TRIM43: variants seen among roughly 807,000 people sequenced by gnomAD.
TRIM43 encodes the protein tripartite motif-containing protein 43.
In TRIM43, 12 loss-of-function variants were observed where a neutral mutation model predicts 27.7. The ratio of observed to expected loss-of-function variants is 0.43; its 90% CI spans 0.28 to 0.70. The LOEUF is 0.70. Among genes scored for constraint, TRIM43 ranks in the 30% least tolerant of loss-of-function variants. The pLI is 0.17. For missense variants in TRIM43, 186 were observed against 356.5 expected, an observed-to-expected ratio of 0.52 and a Z score of 3.85; for synonymous variants, 64 against 121.9, an observed-to-expected ratio of 0.52 and a Z score of 3.13.
intron 3 of TRIM43, 121 bp from the exon 4 acceptor site, chr2:95,596,081 A>G: frequency 1.0e-6 from 1 of 985,128 alleles, no homozygotes. Context: ...GTCTTGCTTA[A>G]CTCATCATCC....
intron 1 of TRIM43, 52 bp from the exon 2 acceptor site, chr2:95,593,968 T>A (rs1344781033): frequency 1.3e-6 from 2 of 1,546,226 alleles, no homozygotes; most frequent in East Asian, 4.5e-5. Flanking sequence ...TTTGCTTGGA[T>A]CTTTGTCTCT....
rs545705079 is a variant in TRIM43, at chr2:95,592,114, G to C, written c.-40G>C. 1 of 151,658 alleles carries C rather than the reference G, an allele frequency of 6.6e-6. No homozygotes were observed. Among genetic ancestry groups the C allele is most frequent in the Non-Finnish European group, 1.5e-5 (1 of 67,948 alleles). The allele number at this position is 151,658 out of a possible 1,614,324, so 9.4% of individuals were successfully genotyped here. On this transcript the variant is annotated 5_prime_UTR_variant, in exon 1 of 7. Coordinates refer to ENST00000272395, the MANE Select transcript of TRIM43 (RefSeq NM_138800.3). ...CTGAGCTGAATTCATCTGATTCGAC[G>C]GCAAGCTTTGGTGAGAACATAGATA...
At position 95,592,111 on chromosome 2, in the gene TRIM43, G is replaced by C. The variant is rs576610796; in HGVS notation, c.-43G>C. On this transcript the variant is annotated 5_prime_UTR_variant, in exon 1 of 7. Coordinates refer to ENST00000272395, the MANE Select transcript of TRIM43 (RefSeq NM_138800.3). Reference sequence around the variant, plus strand: ...TCCCTGAGCTGAATTCATCTGATTCGACGGCAAGCTTTGGTGAGAACATAG... The same window carrying C: ...TCCCTGAGCTGAATTCATCTGATTCCACGGCAAGCTTTGGTGAGAACATAG... The C allele has an allele frequency of 6.6e-6, 1 of 151,818 alleles. No individual in the cohort carries two copies. Among genetic ancestry groups the C allele is most frequent in the Non-Finnish European group, 1.5e-5 (1 of 67,966 alleles). The allele number at this position is 151,818 out of a possible 1,614,324, so 9.4% of individuals were successfully genotyped here.
At chr2:95,595,563 T>C (rs544888877) in intron 3 of TRIM43, among the ~76,000 whole-genome samples, 12 of 150,708 alleles carry the variant, frequency 8.0e-5, no homozygotes, top group African/African-American at 2.7e-4. Context: ...AGGACCCACA[T>C]GATGCCAGTC....
At chr2:95,592,216 CTTTAA>C (rs1685259651) in intron 1 of TRIM43, 67 bp downstream of exon 1, 1 of 151,730 alleles carries the variant, frequency 6.6e-6, no homozygotes, top group Admixed American at 6.6e-5. Context: ...AATTTGGGGA[CTTTAA>C]TTTATCTGCA....
chr2:95,593,151 C>T (rs1286082993), intron 1 of TRIM43, among the ~76,000 whole-genome samples: 1 of 151,608 alleles, frequency 6.6e-6, no homozygotes, highest in East Asian at 1.9e-4. Context: ...CCTGCCTCAG[C>T]CACCTCGGCC....
In TRIM43 at chr2:95,595,222, T is replaced by C. The variant is rs1218671962; in HGVS notation, c.507+77T>C. 3.0e-6 allele frequency: 3 copies of C among 1,015,864 alleles called. 1 individual carries two copies. In the African/African-American group the frequency reaches 5.0e-5, roughly 17 times the overall value. The allele number at this position is 1,015,864 out of a possible 1,614,324, so 62.9% of individuals were successfully genotyped here. A position where few individuals can be genotyped will look rare whatever the true frequency, so the allele number is the denominator to read the frequency against. ...CAACATTTATATTAGCAACTTGAGT[T>C]GAAATTCTTATGCCAGATTTTGTCA... On this transcript the variant is annotated intron_variant, in intron 3 of 6. Transcript: ENST00000272395.
In TRIM43 at chr2:95,599,724, CTT is replaced by C. The variant is rs1685373135; in HGVS notation, c.*155_*156del. On this transcript the variant is annotated 3_prime_UTR_variant, in exon 7 of 7. Coordinates refer to ENST00000272395, the MANE Select transcript of TRIM43 (RefSeq NM_138800.3). ...AATAAAAAATTTGTAAAAGGCAAAA[CTT>C]TTTGTACATTTTCTTACAATTAAAA... 7.4e-7 allele frequency: 1 copy of C among 1,355,670 alleles called. No homozygotes were observed. Among genetic ancestry groups the C allele is most frequent in the Admixed American group, 2.9e-5 (1 of 34,742 alleles). 84.0% of individuals were successfully genotyped at this position (1,355,670 alleles called of 1,614,324 possible). A position where few individuals can be genotyped will look rare whatever the true frequency, so the allele number is the denominator to read the frequency against.
rs557122794 is a variant in TRIM43 at position 95,595,303 on chromosome 2, G to A, written c.507+158G>A. On this transcript the variant is annotated intron_variant, in intron 3 of 6. Transcript: ENST00000272395. ...GACTGTTCAACATAACGATTGTTCA[G>A]GTTTTCTGTAAATGCTTTTCAGATA... Among the ~76,000 whole-genome samples the A allele has an allele frequency of 3.2e-3, 484 of 151,548 alleles. 6 individuals carry two copies. The highest frequency in any genetic ancestry group is 4.5e-3 in the Non-Finnish European group (308 of 67,900).
rs530742714 is a variant in TRIM43, at chr2:95,595,935, T to C, written c.508-267T>C. On this transcript the variant is annotated intron_variant, in intron 3 of 6. Transcript: ENST00000272395. Reference sequence around the variant, plus strand: ...AAGTGAATAACAAAGATTATGTGTATTATCCATGACAATGTAACAATCATA... The same window carrying C: ...AAGTGAATAACAAAGATTATGTGTACTATCCATGACAATGTAACAATCATA... 7.2e-5 allele frequency among the ~76,000 whole-genome samples: 11 copies of C among 151,740 alleles called. No individual in the cohort carries two copies. In the East Asian group the frequency reaches 1.9e-3, roughly 27 times the overall value.
rs1395774427 is a variant in TRIM43 at position 95,596,211 on chromosome 2, G to A, written c.517G>A (p.Val173Ile). 6.2e-7 allele frequency: 1 copy of A among 1,610,276 alleles called. No individual in the cohort carries two copies. The highest frequency in any genetic ancestry group is 1.1e-5 in the South Asian group (1 of 90,806). ...ATTCATATCCCTACAGGGCAATGTG[G>A]TTTTACGGGCACAGATGATCAGGAA... is the stretch of plus-strand genomic sequence containing the variant. ...RTAFLWRGNV[V>I]LRAQMIRNEY... Residue 173 changes from valine to isoleucine, a missense_variant, in exon 4 of 7, where the codon GTT becomes ATT. Physicochemically the swap from Val to Ile is conservative, Grantham distance 29 (BLOSUM62 3). Around this residue, in one of 6 missense-constraint regions of TRIM43, gnomAD observed 91 missense variants for 119.3 expected, o/e 0.76. Coordinates refer to ENST00000272395, the MANE Select transcript of TRIM43 (RefSeq NM_138800.3).
intron 2 of TRIM43, 58 bp downstream of exon 2, chr2:95,594,492 A>T: frequency 6.3e-7 from 1 of 1,590,770 alleles, no homozygotes; most frequent in Non-Finnish European, 8.5e-7. Flanking sequence ...TAAAGATATT[A>T]GAAGGATGAT....
chr2:95,595,377 A>G (rs1685338105), intron 3 of TRIM43, among the ~76,000 whole-genome samples: 1 of 151,758 alleles, frequency 6.6e-6, no homozygotes, highest in Non-Finnish European at 1.5e-5. Flanking sequence ...GCTTAAAATT[A>G]ATAAGTATTT....
At chr2:95,592,757 A>G (rs1341982332) in intron 1 of TRIM43, among the ~76,000 whole-genome samples, 2 of 151,606 alleles carry the variant, frequency 1.3e-5, no homozygotes, top group East Asian at 3.9e-4. Context: ...TCCTGAGCTC[A>G]AAAAACCTGC....
intron 2 of TRIM43, among the ~76,000 whole-genome samples, 191 bp from the exon 3 acceptor site, chr2:95,594,859 T>C (rs1042971915): frequency 2.0e-5 from 3 of 151,716 alleles, no homozygotes; most frequent in African/African-American, 7.3e-5. Context: ...CACTCTTCAG[T>C]TCCCTAAGCT....
intron 1 of TRIM43, among the ~76,000 whole-genome samples, chr2:95,592,661 G>A (rs1685275942): frequency 6.6e-6 from 1 of 151,008 alleles, no homozygotes; most frequent in African/African-American, 2.4e-5. Flanking sequence ...CTGAGCCACC[G>A]CGCCCGGCCT....
chr2:95,593,472 C>T (rs1437260280), intron 1 of TRIM43, among the ~76,000 whole-genome samples: 2 of 151,788 alleles, frequency 1.3e-5, no homozygotes, highest in Admixed American at 6.6e-5. Flanking sequence ...CTTGATTTGA[C>T]TGTTTTTCCT....
chr2:95,594,363 C>G lies in TRIM43; in HGVS notation c.340C>G (p.Leu114Val). 6.2e-7 allele frequency: 1 copy of G among 1,610,802 alleles called. No individual in the cohort carries two copies. Among genetic ancestry groups the G allele is most frequent in the South Asian group, 1.1e-5 (1 of 90,900 alleles). Residue 114 changes from leucine to valine, a missense_variant, in exon 2 of 7, where the codon CTG (leucine) becomes GTG (valine). Leu to Val is a conservative substitution (Grantham distance 32). Transcript: ENST00000272395. ...CATGGACAAGAGTCTCCTCTGCTTGCTGTGCTCCAACTCTCAGGAGCACGG... is the reference window on the plus strand; with the variant it reads ...CATGGACAAGAGTCTCCTCTGCTTGGTGTGCTCCAACTCTCAGGAGCACGG... The part of the protein sequence containing the change: ...CDMDKSLLCL[L>V]CSNSQEHGAH...
intron 4 of TRIM43, 103 bp downstream of exon 4, chr2:95,596,535 G>A: frequency 6.9e-7 from 1 of 1,459,398 alleles, no homozygotes; most frequent in Non-Finnish European, 9.1e-7. Context: ...CTCCTGTACT[G>A]ACGGTGAGAG....
Sources: gnomAD v4.1 joint callset for allele counts (sites outside exome capture counted in the v4.1 genomes callset) on GRCh38, gnomAD v4.1.1 for gene constraint, gnomAD v4.1.1 regional missense constraint, MANE v1.5 for transcripts, NCBI Gene and HGNC (gene_info 2026-07-23, HGNC 2026-07-21) for gene names.